The following USP25 variants were observed in gnomAD, a reference collection of about 807,000 sequenced individuals.
USP25 encodes the protein ubiquitin specific peptidase 25.
USP25 carries 85 observed loss-of-function variants against 158.5 expected under a neutral mutation model. The observed-to-expected ratio is 0.54, with a 90% CI of 0.45 to 0.64. USP25 has a LOEUF of 0.64. Among genes scored for constraint, USP25 ranks in the 30% least tolerant of loss-of-function variants. The pLI, the probability that USP25 is intolerant of heterozygous loss-of-function variation, is 0.00. For synonymous variants in USP25, 464 were observed against 460.4 expected, an observed-to-expected ratio of 1.01 and a Z score of -0.10; for missense variants, 1,242 against 1,327.3, an observed-to-expected ratio of 0.94 and a Z score of 1.00.
Position 15,741,369 on chromosome 21 carries a change from A to G in USP25, c.45+10931A>G, listed in dbSNP as rs189601770. Among the ~76,000 whole-genome samples, 19 of 147,580 alleles carry G rather than the reference A, an allele frequency of 1.3e-4. No individual in the cohort carries two copies. The East Asian group carries it at 1.6e-3, about 12-fold the overall frequency. ...AAGCAGGTCTTTGAGACGTATTTCT[A>G]TTTCTCTTGGGCAAATACATAGGTG... On this transcript the variant is annotated intron_variant, in intron 1 of 25. Transcript: ENST00000400183.
intron 25 of USP25, 127 bp from the exon 26 acceptor site, chr21:15,878,176 A>T: frequency 7.8e-7 from 1 of 1,282,066 alleles, no homozygotes; most frequent in Non-Finnish European, 1.1e-6. Flanking sequence ...GTTGCCATTT[A>T]TGTTTTTGTC....
At chr21:15,854,322 T>C (rs562310034) in intron 20 of USP25, among the ~76,000 whole-genome samples, 2 of 152,206 alleles carry the variant, frequency 1.3e-5, no homozygotes, top group South Asian at 4.2e-4. Flanking sequence ...ATTTTTGTAT[T>C]TTTAGTAGAG....
In USP25 at chr21:15,824,989, TAAC is replaced by T. The variant is rs1459708443; in HGVS notation, c.1235_1237del (p.Thr412del). ...AGATACATGCACAGAAACAGAGAAA[TAAC>T]AAGAATTAAGAGGGAAGAGATCAAG... On this transcript the variant is annotated inframe_deletion, in exon 12 of 26. Coordinates refer to ENST00000400183, the MANE Select transcript of USP25 (RefSeq NM_001283041.3). 3.1e-6 allele frequency: 5 copies of T among 1,610,972 alleles called. No homozygotes were observed. In the African/African-American group the frequency reaches 5.3e-5, roughly 17 times the overall value.
intron 17 of USP25, among the ~76,000 whole-genome samples, chr21:15,838,672 G>A (rs1326703244): frequency 6.6e-6 from 1 of 152,066 alleles, no homozygotes; most frequent in East Asian, 1.9e-4. Context: ...TATCTCTCAA[G>A]CAGTCCGCTT....
chr21:15,759,332 G>A (rs565656940), intron 1 of USP25, among the ~76,000 whole-genome samples: 1 of 152,268 alleles, frequency 6.6e-6, no homozygotes, highest in East Asian at 1.9e-4. Context: ...AATCAATTTA[G>A]AAAGTTTATT....
chr21:15,825,675 A>C (rs942694608), intron 12 of USP25, among the ~76,000 whole-genome samples: 16 of 152,190 alleles, frequency 1.1e-4, no homozygotes, highest in African/African-American at 3.9e-4. Flanking sequence ...GAAATGTCAC[A>C]AGTCATTTCA....
chr21:15,864,227 A>G (rs754077835), intron 20 of USP25, 41 bp from the exon 21 acceptor site: 1 of 1,576,494 alleles, frequency 6.3e-7, no homozygotes, highest in Non-Finnish European at 8.6e-7. Context: ...TTTGGTGTTC[A>G]AATAATTAAC....
At chr21:15,815,901 A>C (rs550313511) in intron 9 of USP25, among the ~76,000 whole-genome samples, 7 of 152,248 alleles carry the variant, frequency 4.6e-5, no homozygotes, top group African/African-American at 1.7e-4. Flanking sequence ...ACCTTGTCTT[A>C]GATGTGGTTT....
At chr21:15,788,738 G>A (rs150697962) in intron 4 of USP25, among the ~76,000 whole-genome samples, 9 of 152,132 alleles carry the variant, frequency 5.9e-5, no homozygotes, top group Middle Eastern at 3.4e-3. Flanking sequence ...CTACCATGTG[G>A]TATGGTTAAG....
chr21:15,753,679 A>G (rs1278574400), intron 1 of USP25, among the ~76,000 whole-genome samples: 2 of 148,920 alleles, frequency 1.3e-5, no homozygotes, highest in Admixed American at 6.7e-5. Flanking sequence ...TGATATATGT[A>G]TGCTTCTCGT....
chr21:15,857,621 T>TA (rs1463531391), intron 20 of USP25, among the ~76,000 whole-genome samples: 2 of 152,128 alleles, frequency 1.3e-5, no homozygotes, highest in East Asian at 3.8e-4. Flanking sequence ...ACATTGATCT[T>TA]CTAAGACAAT....
chr21:15,861,200 A>G (rs2088576136), intron 20 of USP25, among the ~76,000 whole-genome samples: 2 of 152,092 alleles, frequency 1.3e-5, no homozygotes, highest in South Asian at 4.1e-4. Context: ...TATCACACAT[A>G]TGGAGAACTT....
chr21:15,783,716 G>C (rs2035101867), intron 4 of USP25, among the ~76,000 whole-genome samples: 1 of 152,012 alleles, frequency 6.6e-6, no homozygotes, highest in East Asian at 1.9e-4. Context: ...TCAGCACTTT[G>C]GGAGGCCAAA....
intron 3 of USP25, among the ~76,000 whole-genome samples, chr21:15,774,459 A>C (rs569955352): frequency 6.6e-6 from 1 of 152,292 alleles, no homozygotes; most frequent in South Asian, 2.1e-4. Flanking sequence ...GTCAACAGAT[A>C]CATTTGTTTT....
chr21:15,761,666 C>T (rs2033732938), intron 1 of USP25, among the ~76,000 whole-genome samples: 2 of 152,192 alleles, frequency 1.3e-5, no homozygotes, highest in Admixed American at 6.5e-5. Flanking sequence ...GGCCACTGCA[C>T]CTGTGGACAG....
intron 17 of USP25, among the ~76,000 whole-genome samples, chr21:15,840,943 A>G (rs1019681359): frequency 1.3e-5 from 2 of 152,224 alleles, no homozygotes; most frequent in Admixed American, 6.5e-5. Context: ...TGAGCCACCT[A>G]TCATGAAGTC....
intron 1 of USP25, among the ~76,000 whole-genome samples, chr21:15,733,624 A>G (rs890442528): frequency 6.6e-6 from 1 of 152,100 alleles, no homozygotes; most frequent in African/African-American, 2.4e-5. Context: ...GCGGATCACG[A>G]GGTCAGGAGT....
intron 18 of USP25, among the ~76,000 whole-genome samples, chr21:15,844,199 T>TA (rs1335081938): frequency 6.6e-6 from 1 of 152,186 alleles, no homozygotes; most frequent in African/African-American, 2.4e-5. Context: ...GGCTTGATCT[T>TA]ACAGTCAGTT....
Position 15,766,231 on chromosome 21 carries a change from T to A in USP25, c.268+90T>A. 2 of 1,262,352 alleles carry A rather than the reference T, an allele frequency of 1.6e-6. No homozygotes were observed. The highest frequency in any genetic ancestry group is 2.1e-6 in the Non-Finnish European group (2 of 964,674). The allele number at this position is 1,262,352 out of a possible 1,614,324, so 78.2% of individuals were successfully genotyped here. On this transcript the variant is annotated intron_variant, in intron 3 of 25. Coordinates refer to ENST00000400183, the MANE Select transcript of USP25 (RefSeq NM_001283041.3). This position sits in a 1 kb window ranked among gnomAD's most constrained non-coding sequence, Gnocchi z 4.0. ...TATATTAATGTTGCTTAAGGAGAGG[T>A]AAAGAACCAAAAAAGAACTCTATTA...
Sources: allele counts gnomAD v4.1 joint callset (sites outside exome capture counted in the v4.1 genomes callset), GRCh38; gene constraint gnomAD v4.1.1; non-coding constraint Gnocchi (gnomAD v3.1); transcripts MANE v1.5; gene names NCBI Gene and HGNC (gene_info 2026-07-23, HGNC 2026-07-21).